Variants in MCF2L observed in about 807,000 individuals in gnomAD.
MCF2L encodes guanine nucleotide exchange factor DBS.
A neutral mutation model predicts 153.4 loss-of-function variants in MCF2L; 97 were observed. That is an observed-to-expected ratio of 0.63 (90% CI 0.54 to 0.75). The LOEUF (loss-of-function observed/expected upper bound fraction) is 0.75. Ranked by LOEUF, MCF2L falls within the 30% of genes least tolerant of loss-of-function variation. The pLI is 0.00. For missense variants in MCF2L, 1,347 were observed against 1,495.2 expected (o/e 0.90, Z 1.64); for synonymous variants, 659 against 632.2 (o/e 1.04, Z -0.64).
chr13:112,984,343 T>A (rs1490217177), intron 1 of MCF2L, among the ~76,000 whole-genome samples: 2 of 152,122 alleles, frequency 1.3e-5, no homozygotes, highest in Non-Finnish European at 2.9e-5. Context: ...CAAGCGATTC[T>A]CCTGCCTCAG....
chr13:112,979,806 CT>C, intron 1 of MCF2L: 1 of 1,554,968 alleles, frequency 6.4e-7, no homozygotes, highest in Non-Finnish European at 8.7e-7. Context: ...GCTGTGTCCC[CT>C]CTGCAGGTGT....
chr13:112,909,500 G>T, intron 2 of MCF2L: 2 of 538,300 alleles, frequency 3.7e-6, no homozygotes, highest in South Asian at 5.6e-5. Flanking sequence ...CTACACTAGC[G>T]CAGAGGGTGC....
chr13:112,981,792 G>A (rs2082437519), intron 1 of MCF2L, among the ~76,000 whole-genome samples: 1 of 152,232 alleles, frequency 6.6e-6, no homozygotes, highest in South Asian at 2.1e-4. Flanking sequence ...TGTTGCCTGG[G>A]CCGCCAGCGT....
At chr13:112,927,873 A>G (rs548473476) in intron 2 of MCF2L, among the ~76,000 whole-genome samples, 4 of 152,346 alleles carry the variant, frequency 2.6e-5, no homozygotes, top group Admixed American at 2.6e-4. Flanking sequence ...AAGAAAAGAG[A>G]ATCAGCAAGA....
chr13:112,968,643 G>C, upstream of MCF2L: 2 of 1,525,510 alleles, frequency 1.3e-6, no homozygotes, highest in Non-Finnish European at 8.8e-7. Flanking sequence ...GGTGGCATGC[G>C]GCCACACGGA....
intron 1 of MCF2L, chr13:113,009,102 G>C (rs989030117): frequency 6.6e-6 from 1 of 152,290 alleles, no homozygotes; most frequent in African/African-American, 2.4e-5. Flanking sequence ...ACTCCAAAGG[G>C]CGTCCGGAGG....
At chr13:112,978,779 G>T (rs1025621448) in intron 1 of MCF2L, among the ~76,000 whole-genome samples, 10 of 152,260 alleles carry the variant, frequency 6.6e-5, no homozygotes, top group Non-Finnish European at 1.2e-4. Context: ...AGGCCTGAGC[G>T]CCAGCCCTGC....
At chr13:113,059,484 T>C (rs1227189502) in intron 4 of MCF2L, among the ~76,000 whole-genome samples, 1 of 152,282 alleles carries the variant, frequency 6.6e-6, no homozygotes, top group Non-Finnish European at 1.5e-5. Context: ...TAGGTGCATT[T>C]AACTTAGTTA....
intron 3 of MCF2L, among the ~76,000 whole-genome samples, chr13:113,026,390 G>C (rs956985871): frequency 6.6e-6 from 1 of 152,208 alleles, no homozygotes; most frequent in African/African-American, 2.4e-5. Flanking sequence ...TGGTTCCGAG[G>C]AGCTCAGGAG....
At chr13:113,078,540 C>T in intron 14 of MCF2L, 104 bp downstream of exon 14, 2 of 1,381,110 alleles carry the variant, frequency 1.4e-6, no homozygotes, top group South Asian at 2.4e-5. Context: ...GCCCAGCTAC[C>T]TGGCCAGCTC....
chr13:113,091,709 C>G (rs1357931497), intron 26 of MCF2L, among the ~76,000 whole-genome samples: 1 of 150,604 alleles, frequency 6.6e-6, no homozygotes, highest in African/African-American at 2.4e-5. Flanking sequence ...AGGCTGAGCT[C>G]CCTGTGGAAC....
At chr13:112,997,750 G>A (rs1025107446) in intron 1 of MCF2L, among the ~76,000 whole-genome samples, 3 of 152,244 alleles carry the variant, frequency 2.0e-5, no homozygotes, top group African/African-American at 7.2e-5. Context: ...CCTTGGGGTG[G>A]GAAGCGATGG....
At chr13:112,923,515 C>T (rs928719184) in intron 2 of MCF2L, among the ~76,000 whole-genome samples, 15 of 152,076 alleles carry the variant, frequency 9.9e-5, no homozygotes, top group Non-Finnish European at 1.9e-4. Context: ...CTACCTGCCT[C>T]GGCCTCCCAA....
intron 3 of MCF2L, among the ~76,000 whole-genome samples, chr13:113,034,638 C>T (rs1419008979): frequency 3.3e-5 from 5 of 151,668 alleles, no homozygotes; most frequent in Admixed American, 6.6e-5. Context: ...TGGTCTCACC[C>T]ACGCCCTCGC....
At chr13:112,913,760 G>A (rs891157658) in intron 2 of MCF2L, among the ~76,000 whole-genome samples, 2 of 152,110 alleles carry the variant, frequency 1.3e-5, no homozygotes, top group Non-Finnish European at 2.9e-5. Context: ...AAATAGATTC[G>A]TTGACGTCCT....
At chr13:112,985,856 G>A (rs1478693598) in intron 1 of MCF2L, among the ~76,000 whole-genome samples, 6 of 152,168 alleles carry the variant, frequency 3.9e-5, no homozygotes, top group South Asian at 4.1e-4. Context: ...AGACAAGGCC[G>A]TGACCGAACA....
chr13:113,014,711 G>A, intron 1 of MCF2L, 52 bp from the exon 2 acceptor site: 1 of 1,524,764 alleles, frequency 6.6e-7, no homozygotes, highest in African/African-American at 1.4e-5. Flanking sequence ...GGCGCTTGCA[G>A]GGTGAGGCAG....
chr13:112,970,322 C>G (rs571486033), intron 1 of MCF2L, among the ~76,000 whole-genome samples: 56 of 152,274 alleles, frequency 3.7e-4, no homozygotes, highest in Non-Finnish European at 5.0e-4. Context: ...GGGTGTGGTT[C>G]TCTTTCTCTG....
At chr13:113,094,764 C>A in intron 27 of MCF2L, 129 bp downstream of exon 27, 1 of 1,255,246 alleles carries the variant, frequency 8.0e-7, no homozygotes, top group Non-Finnish European at 1.1e-6. Flanking sequence ...CTGGAAGGTC[C>A]ACATGGGCCT....
Sources: gnomAD v4.1 joint callset for allele counts (sites outside exome capture counted in the v4.1 genomes callset) on GRCh38, gnomAD v4.1.1 for gene constraint, MANE v1.5 for transcripts, NCBI Gene and HGNC (gene_info 2026-07-23, HGNC 2026-07-21) for gene names.